The following HORMAD2 variants were observed in gnomAD, a reference collection of about 807,000 sequenced individuals.
The protein encoded by HORMAD2 is HORMA domain containing 2, also known as HORMA domain-containing protein 2.
HORMAD2 carries 45 observed loss-of-function variants against 38.8 expected under a neutral mutation model. The observed-to-expected ratio is 1.16, with a 90% confidence interval of 0.91 to 1.49. The LOEUF (loss-of-function observed/expected upper bound fraction) is 1.49, where lower values mean the gene tolerates loss of function less well. HORMAD2 is among the 40% of genes most tolerant of loss of function. The probability of loss-of-function intolerance (pLI) is 0.00; values close to 1 mark genes in which losing one functional copy is unlikely to be tolerated. For missense variants in HORMAD2, 338 were observed against 367.0 expected (o/e 0.92, Z 0.65); for synonymous variants, 126 against 122.8 (o/e 1.03, Z -0.17).
chr22:30,109,954 G>A lies in HORMAD2; in HGVS notation c.295-1842G>A, dbSNP rs888243896. 4.6e-5 allele frequency among the ~76,000 whole-genome samples: 7 copies of A among 152,272 alleles called. No individual in the cohort carries two copies. The East Asian group carries it at 5.8e-4, about 13-fold the overall frequency. ...TCGTCTCTAGCAGAGCCCTGTGTACGTAATGGACTCTCACTTGAATGAGTG... is the reference window on the plus strand; with the variant it reads ...TCGTCTCTAGCAGAGCCCTGTGTACATAATGGACTCTCACTTGAATGAGTG... On this transcript the variant is annotated intron_variant, in intron 5 of 10. Transcript: ENST00000336726.
At chr22:30,190,364 T>C in the HORMAD2 span, among the ~76,000 whole-genome samples, 2 of 152,238 alleles carry the variant, frequency 1.3e-5, no homozygotes, top group Non-Finnish European at 2.9e-5. Context: ...TGTTTACAAG[T>C]CAGCTGGCTT....
At chr22:30,168,448 T>C (rs1925916197) in intron 10 of HORMAD2, among the ~76,000 whole-genome samples, 1 of 152,226 alleles carries the variant, frequency 6.6e-6, no homozygotes, top group African/African-American at 2.4e-5. Context: ...GGTCACATAG[T>C]CAATGCCTGG....
chr22:30,116,195 T>C (rs1922033434), intron 7 of HORMAD2, among the ~76,000 whole-genome samples: 1 of 152,116 alleles, frequency 6.6e-6, no homozygotes, highest in Non-Finnish European at 1.5e-5. Context: ...AAAGGTGCCA[T>C]GAGCCTGGAG....
the HORMAD2 span, among the ~76,000 whole-genome samples, chr22:30,192,546 A>G: frequency 1.3e-5 from 2 of 152,210 alleles, no homozygotes; most frequent in Non-Finnish European, 2.9e-5. Flanking sequence ...GTTTGCAAAC[A>G]CTTATGCGAA....
the HORMAD2 span, among the ~76,000 whole-genome samples, chr22:30,203,895 C>A: frequency 6.6e-6 from 1 of 152,160 alleles, no homozygotes; most frequent in Non-Finnish European, 1.5e-5. Context: ...TTAATGTACA[C>A]GTTTACCCTC....
At chr22:30,205,763 G>A in the HORMAD2 span, among the ~76,000 whole-genome samples, 4 of 152,260 alleles carry the variant, frequency 2.6e-5, no homozygotes, top group East Asian at 1.9e-4. Context: ...GGAGGGTGGC[G>A]TGAGGACCGG....
chr22:30,189,802 A>G, the HORMAD2 span, among the ~76,000 whole-genome samples: 1 of 152,098 alleles, frequency 6.6e-6, no homozygotes, highest in Non-Finnish European at 1.5e-5. Flanking sequence ...AGGAGTCTTC[A>G]GGGCTCCTCT....
At chr22:30,194,914 C>T in the HORMAD2 span, among the ~76,000 whole-genome samples, 9 of 152,028 alleles carry the variant, frequency 5.9e-5, no homozygotes, top group South Asian at 2.1e-4. Context: ...AAGAGTGGGC[C>T]GGGCACAGTG....
chr22:30,107,781 G>T (rs747770217), intron 5 of HORMAD2, among the ~76,000 whole-genome samples: 6 of 151,728 alleles, frequency 4.0e-5, no homozygotes, highest in Non-Finnish European at 7.4e-5. Context: ...AATGAAAATA[G>T]TTTGAGTAAA....
intron 1 of HORMAD2, among the ~76,000 whole-genome samples, chr22:30,082,906 A>C (rs976425771): frequency 2.0e-5 from 3 of 152,218 alleles, no homozygotes; most frequent in African/African-American, 7.2e-5. Flanking sequence ...TCTTTACCAG[A>C]AAGAGCATAG....
rs1920941846 is a variant in HORMAD2 at position 30,101,255 on chromosome 22, G to GA, written c.194-2177dup. Reference sequence around the variant, plus strand: ...ACATCATAGAAAACTATGTACCCATGAAAAATAATTAGTTCATGTCCTTTG... The same window carrying GA: ...ACATCATAGAAAACTATGTACCCATGAAAAAATAATTAGTTCATGTCCTTTG... On this transcript the variant is annotated intron_variant, in intron 3 of 10. Coordinates refer to ENST00000336726, the MANE Select transcript of HORMAD2 (RefSeq NM_152510.4). 3.9e-5 allele frequency among the ~76,000 whole-genome samples: 6 copies of GA among 152,254 alleles called. No homozygotes were observed. In the South Asian group the frequency reaches 1.2e-3, roughly 32 times the overall value.
Position 30,176,987 on chromosome 22 carries a change from G to T in HORMAD2, c.*820G>T, listed in dbSNP as rs1461002800. The T allele has an allele frequency of 1.3e-5, 2 of 152,608 alleles. No homozygotes were observed. The highest frequency in any genetic ancestry group is 3.8e-4 in the East Asian group (2 of 5,288). 9.5% of individuals were successfully genotyped at this position (152,608 alleles called of 1,614,324 possible). ...CATGAGATTTAGTAACTTATAAAAT[G>T]AGGTTTAGTAATTTAATTTAAATGG... On this transcript the variant is annotated 3_prime_UTR_variant, in exon 11 of 11. Transcript: ENST00000336726.
At chr22:30,141,751 C>T (rs979955938) in intron 10 of HORMAD2, among the ~76,000 whole-genome samples, 1 of 151,912 alleles carries the variant, frequency 6.6e-6, no homozygotes, top group Admixed American at 6.6e-5. Context: ...TGTGCCACCA[C>T]CCCCGGCTAA....
the HORMAD2 span, among the ~76,000 whole-genome samples, chr22:30,205,418 G>A: frequency 2.6e-5 from 4 of 152,176 alleles, no homozygotes; most frequent in Non-Finnish European, 5.9e-5. Context: ...GATGACCTCA[G>A]CCAGCTACCT....
At chr22:30,135,121 A>T (rs919793528) in intron 10 of HORMAD2, among the ~76,000 whole-genome samples, 1 of 151,930 alleles carries the variant, frequency 6.6e-6, no homozygotes, top group African/African-American at 2.4e-5. Context: ...TCATATATTC[A>T]CCTATGTAGG....
In HORMAD2 at chr22:30,176,675, A is replaced by T. The variant is rs1286013572; in HGVS notation, c.*508A>T. On this transcript the variant is annotated 3_prime_UTR_variant, in exon 11 of 11. Coordinates refer to ENST00000336726, the MANE Select transcript of HORMAD2 (RefSeq NM_152510.4). ...TGTGTTAACCTCAGTCACGAGGTTG[A>T]TCAGCTAATTGTGGGACCAAAATGT... 1.3e-5 allele frequency: 2 copies of T among 153,164 alleles called. No individual in the cohort carries two copies. The highest frequency in any genetic ancestry group is 4.8e-5 in the African/African-American group (2 of 41,458). The allele number at this position is 153,164 out of a possible 1,614,324, so 9.5% of individuals were successfully genotyped here.
At chr22:30,166,003 TTC>T (rs1187519755) in intron 10 of HORMAD2, among the ~76,000 whole-genome samples, 2 of 151,622 alleles carry the variant, frequency 1.3e-5, no homozygotes, top group African/African-American at 2.4e-5. Context: ...TCTTTTTTTA[TTC>T]TCTTTATTAT....
chr22:30,099,342 G>T (rs191763954), intron 3 of HORMAD2, among the ~76,000 whole-genome samples: 1 of 152,162 alleles, frequency 6.6e-6, no homozygotes. Flanking sequence ...TTAGCATTGA[G>T]GAAGTTCAAA....
chr22:30,175,052 T>C (rs962615020), intron 10 of HORMAD2, among the ~76,000 whole-genome samples: 3 of 151,618 alleles, frequency 2.0e-5, no homozygotes, highest in Non-Finnish European at 4.4e-5. Flanking sequence ...TGATACACAA[T>C]CTTTGTTCCT....
Sources: gnomAD v4.1 joint callset for allele counts (sites outside exome capture counted in the v4.1 genomes callset) on GRCh38, gnomAD v4.1.1 for gene constraint, MANE v1.5 for transcripts, NCBI Gene and HGNC (gene_info 2026-07-23, HGNC 2026-07-21) for gene names.